The following CNBD1 variants were observed in gnomAD, a reference collection of about 807,000 sequenced individuals.
The protein encoded by CNBD1 is cyclic nucleotide binding domain containing 1.
Under a neutral mutation model 54.4 loss-of-function variants are expected in CNBD1, and 71 were observed. The observed-to-expected ratio is 1.30, with a 90% CI of 1.08 to 1.59. CNBD1 has a LOEUF of 1.59. Ranked by LOEUF, CNBD1 falls within the 40% of genes most tolerant of loss-of-function variation. The pLI is 0.00. For missense variants in CNBD1, 659 were observed against 518.0 expected (o/e 1.27, Z -2.64); for synonymous variants, 182 against 170.7 (o/e 1.07, Z -0.51).
chr8:86,922,341 A>G (rs1809288446), intron 3 of CNBD1, among the ~76,000 whole-genome samples: 2 of 152,102 alleles, frequency 1.3e-5, no homozygotes, highest in African/African-American at 2.4e-5. Context: ...AAGAGAAGAA[A>G]GAGAAATAAA....
At chr8:86,866,864 A>G (rs185771224) in intron 1 of CNBD1, among the ~76,000 whole-genome samples, 2 of 152,184 alleles carry the variant, frequency 1.3e-5, no homozygotes, top group African/African-American at 4.8e-5. Context: ...GATGAAAGAA[A>G]ACAAAGATTT....
At chr8:86,935,427 T>A (rs1454454311) in intron 3 of CNBD1, among the ~76,000 whole-genome samples, 1 of 152,226 alleles carries the variant, frequency 6.6e-6, no homozygotes, top group Non-Finnish European at 1.5e-5. Context: ...TTGTATTCTT[T>A]AAAATATTTG....
intron 3 of CNBD1, among the ~76,000 whole-genome samples, chr8:86,927,658 A>G (rs541572702): frequency 6.6e-6 from 1 of 152,302 alleles, no homozygotes; most frequent in South Asian, 2.1e-4. Context: ...GCTACAGTAT[A>G]TAGTCCTACT....
intron 4 of CNBD1, among the ~76,000 whole-genome samples, chr8:86,962,107 G>GT (rs111240068): frequency 6.6e-6 from 1 of 151,696 alleles, no homozygotes; most frequent in African/African-American, 2.4e-5. Context: ...GAAAACAGAG[G>GT]TTTTTTTCAA....
intron 8 of CNBD1, among the ~76,000 whole-genome samples, chr8:87,332,842 C>T (rs1809863967): frequency 6.6e-6 from 1 of 152,054 alleles, no homozygotes. Context: ...CTTAGGATTG[C>T]CTTTGCTATG....
chr8:86,958,835 A>G (rs202233902), intron 4 of CNBD1, among the ~76,000 whole-genome samples: 2 of 152,132 alleles, frequency 1.3e-5, no homozygotes, highest in South Asian at 2.1e-4. Context: ...TACATTTAAG[A>G]TTAATATTGT....
At chr8:86,966,165 G>A (rs1040841498) in intron 4 of CNBD1, among the ~76,000 whole-genome samples, 4 of 152,148 alleles carry the variant, frequency 2.6e-5, no homozygotes, top group Admixed American at 6.5e-5. Flanking sequence ...CCCAGCCTTC[G>A]GGACCTCCTT....
intron 4 of CNBD1, among the ~76,000 whole-genome samples, chr8:87,015,666 G>T (rs927396058): frequency 1.3e-5 from 2 of 151,690 alleles, no homozygotes; most frequent in Non-Finnish European, 2.9e-5. Context: ...GAAAAAAATT[G>T]TTTTTGAAAA....
At chr8:87,135,913 T>C (rs771606910) in intron 4 of CNBD1, among the ~76,000 whole-genome samples, 124 of 151,988 alleles carry the variant, frequency 8.2e-4, no homozygotes, top group Non-Finnish European at 1.3e-3. Context: ...AAGGAATACA[T>C]AGCAAAGCAA....
At chr8:87,013,128 C>A (rs1381007237) in intron 4 of CNBD1, among the ~76,000 whole-genome samples, 1 of 152,172 alleles carries the variant, frequency 6.6e-6, no homozygotes, top group Non-Finnish European at 1.5e-5. Flanking sequence ...CAAGCAGGGG[C>A]CCATTGAAGC....
intron 3 of CNBD1, among the ~76,000 whole-genome samples, chr8:86,930,523 G>A (rs975793772): frequency 6.6e-6 from 1 of 152,202 alleles, no homozygotes; most frequent in African/African-American, 2.4e-5. Context: ...GTCCACATAA[G>A]TTGGGACATG....
At chr8:86,952,318 T>C (rs1275980288) in intron 4 of CNBD1, among the ~76,000 whole-genome samples, 1 of 152,178 alleles carries the variant, frequency 6.6e-6, no homozygotes, top group African/African-American at 2.4e-5. Context: ...CTGAGACCTG[T>C]CTCAGTTATT....
In CNBD1 at chr8:87,421,247, G is replaced by A. The variant is rs1047081106; in HGVS notation, c.214-7299G>A. 7.3e-5 allele frequency among the ~76,000 whole-genome samples: 11 copies of A among 150,532 alleles called. No individual in the cohort carries two copies. In the East Asian group the frequency reaches 2.0e-3, roughly 27 times the overall value. On this transcript the variant is annotated intron_variant, in intron 2 of 7. Transcript: ENST00000521593. ...TTTTCTTTTTTATTTTTTTATTTAT[G>A]TTCATTTTTTATTTTTTATTTATTT...
intron 6 of CNBD1, among the ~76,000 whole-genome samples, chr8:87,278,009 T>C (rs1241644713): frequency 6.6e-6 from 1 of 151,312 alleles, no homozygotes; most frequent in Non-Finnish European, 1.5e-5. Context: ...AATAAGAAAA[T>C]GGAAGCTTCA....
intron 4 of CNBD1, among the ~76,000 whole-genome samples, chr8:87,185,990 C>G (rs1164040870): frequency 6.6e-6 from 1 of 151,978 alleles, no homozygotes; most frequent in East Asian, 1.9e-4. Context: ...TTTATTTGTT[C>G]CTCGTTTCCA....
chr8:86,932,935 C>A (rs953979073), intron 3 of CNBD1, among the ~76,000 whole-genome samples: 2 of 152,030 alleles, frequency 1.3e-5, no homozygotes, highest in African/African-American at 2.4e-5. Context: ...TTGTTTTCCT[C>A]CTAGATCACA....
chr8:87,128,501 A>G (rs1812046861), intron 4 of CNBD1, among the ~76,000 whole-genome samples: 2 of 152,192 alleles, frequency 1.3e-5, no homozygotes, highest in Non-Finnish European at 2.9e-5. Flanking sequence ...CGCCTATTTC[A>G]CAGGTTTTTC....
At chr8:87,041,860 A>G (rs1033719921) in intron 4 of CNBD1, among the ~76,000 whole-genome samples, 16 of 152,176 alleles carry the variant, frequency 1.1e-4, no homozygotes, top group African/African-American at 3.9e-4. Flanking sequence ...TGACCTAAGT[A>G]TGGTTAGTGT....
At chr8:87,344,074 A>C (rs563022166) in intron 8 of CNBD1, among the ~76,000 whole-genome samples, 2 of 152,270 alleles carry the variant, frequency 1.3e-5, no homozygotes, top group South Asian at 4.1e-4. Context: ...AGGAAGTGTC[A>C]TAAATCAGTG....
Sources: gnomAD v4.1 joint callset for allele counts (sites outside exome capture counted in the v4.1 genomes callset) on GRCh38, gnomAD v4.1.1 for gene constraint, MANE v1.5 for transcripts, NCBI Gene and HGNC (gene_info 2026-07-23, HGNC 2026-07-21) for gene names.